CYB5R2: variants seen among roughly 807,000 people sequenced by gnomAD.
CYB5R2 encodes NADH-cytochrome b5 reductase 2.
CYB5R2 carries 35 observed loss-of-function variants against 29.8 expected under a neutral mutation model. The observed-to-expected ratio is 1.17, with a 90% CI of 0.90 to 1.56. The LOEUF (loss-of-function observed/expected upper bound fraction) is 1.56, where lower values mean the gene tolerates loss of function less well. Ranked by LOEUF, CYB5R2 falls within the 40% of genes most tolerant of loss-of-function variation. The probability of loss-of-function intolerance (pLI) is 0.00; values close to 1 mark genes in which losing one functional copy is unlikely to be tolerated. For missense variants in CYB5R2, 419 were observed against 346.7 expected, an observed-to-expected ratio of 1.21 and a Z score of -1.66; for synonymous variants, 169 against 130.6, an observed-to-expected ratio of 1.29 and a Z score of -2.01.
At position 7,669,270 on chromosome 11, in the gene CYB5R2, T is replaced by G. The variant is rs910996309; in HGVS notation, c.323A>C (p.Asn108Thr). ...EGGKMTQYLE[N>T]MKIGETIFFR... ...AAAGATGGTCTCCCCGATTTTCATG[T>G]TCTCCAAATACTGAGTCATCTTCCC... The change falls in exon 5 of 9, where the codon AAC (asparagine) becomes ACC (threonine). Residue 108 changes from asparagine (N) to threonine (T), a missense_variant. Asn to Thr is a moderately conservative substitution (Grantham distance 65, BLOSUM62 0). Coordinates refer to ENST00000299498, the MANE Select transcript of CYB5R2 (RefSeq NM_016229.5). The G allele has an allele frequency of 6.2e-7, 1 of 1,614,020 alleles. No individual in the cohort carries two copies. Among genetic ancestry groups the G allele is most frequent in the Non-Finnish European group, 8.5e-7 (1 of 1,179,998 alleles).
chr11:7,667,691 A>C, intron 7 of CYB5R2, 37 bp downstream of exon 7: 4 of 1,552,538 alleles, frequency 2.6e-6, no homozygotes, highest in Non-Finnish European at 3.6e-6. Context: ...CTCAGCAAAC[A>C]TTCCATCCTA....
rs1855402314 is a variant in CYB5R2 at position 7,667,760 on chromosome 11, T to C, written c.526A>G (p.Arg176Gly). ...IRHITKDPSD[R>G]TRMSLIFANQ... The stretch of plus-strand genomic sequence containing the variant: ...GCAAAGATGAGGGACATCCTGGTCC[T>C]GTCACTGGGGTCCTTGGTGATGTGG... Residue 176 changes from arginine to glycine, a missense_variant, in exon 7 of 9, where the codon AGG becomes GGG. Arg to Gly is a moderately radical substitution (Grantham distance 125). Coordinates refer to ENST00000299498, the MANE Select transcript of CYB5R2 (RefSeq NM_016229.5). The C allele has an allele frequency of 1.2e-6, 2 of 1,614,240 alleles. No homozygotes were observed. The highest frequency in any genetic ancestry group is 1.7e-6 in the Non-Finnish European group (2 of 1,180,042).
Position 7,666,447 on chromosome 11 carries a change from G to C in CYB5R2, c.658+4C>G. On this transcript the variant is annotated splice_donor_region_variant and intron_variant, in intron 8 of 8. Coordinates refer to ENST00000299498, the MANE Select transcript of CYB5R2 (RefSeq NM_016229.5). Reference sequence around the variant, plus strand: ...ATGGTGAGTGAGGGCAATGGATGTCGTACCAATGGGAGGCCTGTCCAGGGT... The same window carrying C: ...ATGGTGAGTGAGGGCAATGGATGTCCTACCAATGGGAGGCCTGTCCAGGGT... The C allele has an allele frequency of 1.3e-6, 2 of 1,597,192 alleles. No homozygotes were observed. The highest frequency in any genetic ancestry group is 1.1e-5 in the South Asian group (1 of 90,666).
chr11:7,669,286 T>A lies in CYB5R2; in HGVS notation c.307A>T (p.Thr103Ser). 6.2e-7 allele frequency: 1 copy of A among 1,614,108 alleles called. No individual in the cohort carries two copies. The highest frequency in any genetic ancestry group is 8.5e-7 in the Non-Finnish European group (1 of 1,179,986). ...HPQYPEGGKM[T>S]QYLENMKIGE... ...ATTTTCATGTTCTCCAAATACTGAG[T>A]CATCTTCCCACCTTCAGGATATTGG... is the stretch of plus-strand genomic sequence containing the variant. Residue 103 changes from threonine (T) to serine (S), a missense_variant, in exon 5 of 9, where the codon ACT (threonine) becomes TCT (serine). Physicochemically the swap from Thr to Ser is moderately conservative, Grantham distance 58. Coordinates refer to ENST00000299498, the MANE Select transcript of CYB5R2 (RefSeq NM_016229.5).
At chr11:7,666,396 A>G in intron 8 of CYB5R2, 55 bp downstream of exon 8, 8 of 1,136,868 alleles carry the variant, frequency 7.0e-6, no homozygotes, top group Non-Finnish European at 9.3e-6. Context: ...CCAGTCCTCA[A>G]AGTGGTCAAG....
At chr11:7,668,457 G>A (rs1423281109) in intron 6 of CYB5R2, 21 bp downstream of exon 6, 1 of 1,593,998 alleles carries the variant, frequency 6.3e-7, no homozygotes, top group Non-Finnish European at 8.6e-7. Flanking sequence ...TCTCTGGATG[G>A]AGCCCCTAGA....
chr11:7,673,005 G>A, intron 1 of CYB5R2, 114 bp from the exon 2 acceptor site: 1 of 1,019,624 alleles, frequency 9.8e-7, no homozygotes, highest in Non-Finnish European at 1.4e-6. Flanking sequence ...AGCTCTGCCT[G>A]CAGGAAATAG....
At chr11:7,665,958 C>CAT (rs1855144306) in intron 8 of CYB5R2, 1 of 1,522,602 alleles carries the variant, frequency 6.6e-7, no homozygotes, top group Non-Finnish European at 8.8e-7. Context: ...CAAGCAGGTA[C>CAT]AGCCGGGAGC....
At position 7,665,274 on chromosome 11, in the gene CYB5R2, C is replaced by G. The variant is rs1018156213; in HGVS notation, c.*100G>C. The G allele has an allele frequency of 1.8e-6, 2 of 1,085,086 alleles. No individual in the cohort carries two copies. Among genetic ancestry groups the G allele is most frequent in the Admixed American group, 6.0e-5 (2 of 33,118 alleles). 67.2% of individuals were successfully genotyped at this position (1,085,086 alleles called of 1,614,324 possible). A position where few individuals can be genotyped will look rare whatever the true frequency, so the allele number is the denominator to read the frequency against. Reference sequence around the variant, plus strand: ...CCAGTGTGTGCGCGAAGGTACATGGCAAGGCACTTTTGAAAACATCCCAGT... The same window carrying G: ...CCAGTGTGTGCGCGAAGGTACATGGGAAGGCACTTTTGAAAACATCCCAGT... On this transcript the variant is annotated 3_prime_UTR_variant, in exon 9 of 9. Transcript: ENST00000299498.
chr11:7,669,626 T>C lies in CYB5R2; in HGVS notation c.257A>G (p.Lys86Arg), dbSNP rs1342113944. The change falls in exon 4 of 9, where the codon AAG (lysine) becomes AGG (arginine). Residue 86 changes from lysine to arginine, a missense_variant and splice_region_variant. Physicochemically the swap from Lys to Arg is conservative, Grantham distance 26. Coordinates refer to ENST00000299498, the MANE Select transcript of CYB5R2 (RefSeq NM_016229.5). ...DDRGFVDLII[K>R]IYFKNVHPQY... The stretch of plus-strand genomic sequence containing the variant: ...CCAGATATGGTGGGCACTATTTACC[T>C]TTATAATTAGGTCCACAAAGCCTCT... 1 of 1,593,140 alleles carries C rather than the reference T, an allele frequency of 6.3e-7. No homozygotes were observed. Among genetic ancestry groups the C allele is most frequent in the East Asian group, 2.2e-5 (1 of 44,820 alleles).
Position 7,665,324 on chromosome 11 carries a change from TC to T in CYB5R2, c.*49del. ...TTTACCGTGGTGAAATTGAACTTAC[TC>T]TGAAACAGATGAAAAGGGACATGCA... On this transcript the variant is annotated 3_prime_UTR_variant, in exon 9 of 9. Transcript: ENST00000299498. 7.0e-7 allele frequency: 1 copy of T among 1,420,594 alleles called. No homozygotes were observed. Among genetic ancestry groups the T allele is most frequent in the East Asian group, 2.5e-5 (1 of 40,722 alleles). The allele number at this position is 1,420,594 out of a possible 1,614,324, so 88.0% of individuals were successfully genotyped here.
chr11:7,669,253 T>C lies in CYB5R2; in HGVS notation c.340A>G (p.Thr114Ala). The change falls in exon 5 of 9, where the codon ACC becomes GCC. Residue 114 changes from threonine (T) to alanine (A), a missense_variant. Physicochemically the swap from Thr to Ala is moderately conservative, Grantham distance 58. Transcript: ENST00000299498. ...CCCCTTGGCCCTCGAAAAAAGATGG[T>C]CTCCCCGATTTTCATGTTCTCCAAA... ...QYLENMKIGE[T>A]IFFRGPRGRL... 1 of 1,614,038 alleles carries C rather than the reference T, an allele frequency of 6.2e-7. No individual in the cohort carries two copies. The highest frequency in any genetic ancestry group is 8.5e-7 in the Non-Finnish European group (1 of 1,179,994).
At position 7,665,273 on chromosome 11, in the gene CYB5R2, G is replaced by T. The variant is rs1301256957; in HGVS notation, c.*101C>A. Reference sequence around the variant, plus strand: ...ACCAGTGTGTGCGCGAAGGTACATGGCAAGGCACTTTTGAAAACATCCCAG... The same window carrying T: ...ACCAGTGTGTGCGCGAAGGTACATGTCAAGGCACTTTTGAAAACATCCCAG... On this transcript the variant is annotated 3_prime_UTR_variant, in exon 9 of 9. Coordinates refer to ENST00000299498, the MANE Select transcript of CYB5R2 (RefSeq NM_016229.5). The T allele has an allele frequency of 3.7e-6, 4 of 1,070,310 alleles. No homozygotes were observed. The highest frequency in any genetic ancestry group is 3.2e-5 in the African/African-American group (2 of 62,962). The allele number at this position is 1,070,310 out of a possible 1,614,324, so 66.3% of individuals were successfully genotyped here.
intron 1 of CYB5R2, 137 bp downstream of exon 1, chr11:7,673,282 G>A: frequency 1.3e-6 from 1 of 794,962 alleles, no homozygotes; most frequent in Non-Finnish European, 1.6e-6. Flanking sequence ...CCTAAAGACA[G>A]AACTAGGGTG....
rs755288525 is a variant in CYB5R2, at chr11:7,666,510, A to C, written c.599T>G (p.Ile200Ser). 10 of 1,613,356 alleles carry C rather than the reference A, an allele frequency of 6.2e-6. No individual in the cohort carries two copies. The African/African-American group carries it at 1.1e-4, about 17-fold the overall frequency. Residue 200 changes from isoleucine to serine, a missense_variant, in exon 8 of 9, where the codon ATT becomes AGT. Physicochemically the swap from Ile to Ser is moderately radical, Grantham distance 142 (BLOSUM62 -2). Coordinates refer to ENST00000299498, the MANE Select transcript of CYB5R2 (RefSeq NM_016229.5). ...DILVRKELEE[I>S]ARTHPDQFNL... ...GAACTGGTCTGGGTGAGTCCTGGCA[A>C]TTTCTTCAAGCTCTTTTCTGACCAA...
In CYB5R2 at chr11:7,665,500, C is replaced by T; in HGVS notation, c.705G>A (p.Glu235=). The stretch of plus-strand genomic sequence containing the variant: ...TGGACTTCGCTGGAGGAGGAAGGTG[C>T]TCCTTGATCATGTCGGCAGTAACGA... ...SGFVTADMIK[E]HLPPPAKSTL... The change falls in exon 9 of 9, where the codon GAG becomes GAA. Residue 235 remains glutamate, a synonymous_variant. Transcript: ENST00000299498. The T allele has an allele frequency of 2.5e-6, 4 of 1,613,764 alleles. No individual in the cohort carries two copies. The South Asian group carries it at 4.4e-5, about 18-fold the overall frequency.
intron 2 of CYB5R2, 71 bp downstream of exon 2, chr11:7,672,677 A>ACTGT (rs1416905780): frequency 3.8e-6 from 6 of 1,589,124 alleles, no homozygotes; most frequent in Non-Finnish European, 5.2e-6. Flanking sequence ...CCATGAGATG[A>ACTGT]CTGTCTGGAT....
intron 5 of CYB5R2, 24 bp downstream of exon 5, chr11:7,669,181 C>A (rs745906044): frequency 6.2e-7 from 1 of 1,614,002 alleles, no homozygotes; most frequent in Non-Finnish European, 8.5e-7. Context: ...CAGCTGGGAG[C>A]CCAAGTATTA....
chr11:7,672,298 A>G, intron 3 of CYB5R2, 153 bp downstream of exon 3: 2 of 630,248 alleles, frequency 3.2e-6, no homozygotes, highest in Non-Finnish European at 5.6e-6. Flanking sequence ...TCCCACATCC[A>G]TCCCCCTATC....
Sources: gnomAD v4.1 joint callset for allele counts on GRCh38, gnomAD v4.1.1 for gene constraint, MANE v1.5 for transcripts, NCBI Gene and HGNC (gene_info 2026-07-23, HGNC 2026-07-21) for gene names.